GBE1: variants seen among roughly 807,000 people sequenced by gnomAD.
The protein encoded by GBE1 is 1,4-alpha-glucan-branching enzyme.
Under a neutral mutation model 88.8 loss-of-function variants are expected in GBE1, and 70 were observed. That is an observed-to-expected ratio of 0.79 (90% CI 0.65 to 0.96). GBE1 has a LOEUF of 0.96. Ranked by LOEUF, GBE1 falls within the 40% of genes least tolerant of loss-of-function variation. The pLI is 0.00. For missense variants in GBE1, 872 were observed against 871.0 expected (o/e 1.00, Z -0.01); for synonymous variants, 284 against 300.1 (o/e 0.95, Z 0.56).
At chr3:81,516,070 T>C (rs1355592459) in intron 14 of GBE1, among the ~76,000 whole-genome samples, 1 of 151,686 alleles carries the variant, frequency 6.6e-6, no homozygotes, top group Non-Finnish European at 1.5e-5. Flanking sequence ...GCTAGGATAT[T>C]GATAAACGTG....
intron 12 of GBE1, among the ~76,000 whole-genome samples, chr3:81,537,687 A>T (rs1703095698): frequency 6.6e-6 from 1 of 151,920 alleles, no homozygotes; most frequent in African/African-American, 2.4e-5. Flanking sequence ...TATCTTGTAA[A>T]CTTCAGGTGC....
At chr3:81,593,649 AGT>A (rs1398903658) in intron 8 of GBE1, among the ~76,000 whole-genome samples, 1 of 152,036 alleles carries the variant, frequency 6.6e-6, no homozygotes, top group African/African-American at 2.4e-5. Flanking sequence ...ACATCCTGAG[AGT>A]GTTACAATAA....
At chr3:81,588,087 C>T (rs1703823505) in intron 9 of GBE1, among the ~76,000 whole-genome samples, 1 of 142,806 alleles carries the variant, frequency 7.0e-6, no homozygotes, top group Non-Finnish European at 1.5e-5. Context: ...CTCTCTAAGA[C>T]TCAGGTCAAA....
At chr3:81,709,736 G>A (rs1705830209) in intron 1 of GBE1, among the ~76,000 whole-genome samples, 2 of 152,034 alleles carry the variant, frequency 1.3e-5, no homozygotes, top group South Asian at 4.1e-4. Flanking sequence ...TAAGTATCTT[G>A]ACTTCCCTCA....
At chr3:81,705,375 T>C (rs1705758845) in intron 2 of GBE1, 69 bp downstream of exon 2, 1 of 1,112,128 alleles carries the variant, frequency 9.0e-7, no homozygotes, top group African/African-American at 1.7e-5. Flanking sequence ...ATACATGAAA[T>C]ATAAGAAATA....
chr3:81,651,780 T>A (rs956655144), intron 3 of GBE1, among the ~76,000 whole-genome samples: 15 of 152,204 alleles, frequency 9.9e-5, no homozygotes, highest in Non-Finnish European at 1.9e-4. Context: ...CAAAGGCCCA[T>A]CATAAACTAA....
intron 7 of GBE1, among the ~76,000 whole-genome samples, chr3:81,602,414 G>A (rs1704045644): frequency 6.6e-6 from 1 of 152,186 alleles, no homozygotes; most frequent in Non-Finnish European, 1.5e-5. Flanking sequence ...CATAGACAGA[G>A]TAGGTTATAA....
intron 12 of GBE1, among the ~76,000 whole-genome samples, chr3:81,569,642 T>C (rs572286711): frequency 3.9e-5 from 6 of 152,204 alleles, no homozygotes; most frequent in Non-Finnish European, 7.4e-5. Context: ...CAGTTAAAAT[T>C]TGGAGGAAAA....
At chr3:81,577,810 G>C in intron 12 of GBE1, 115 bp downstream of exon 12, 1 of 777,602 alleles carries the variant, frequency 1.3e-6, no homozygotes, top group Non-Finnish European at 2.0e-6. Flanking sequence ...GAAATAAATA[G>C]TTGTAATTTT....
chr3:81,592,242 C>T (rs1703889182), intron 8 of GBE1, among the ~76,000 whole-genome samples: 1 of 152,084 alleles, frequency 6.6e-6, no homozygotes, highest in Non-Finnish European at 1.5e-5. Context: ...TTCCGCCTAG[C>T]TTATGCACCT....
chr3:81,662,567 T>C (rs1705046126), intron 3 of GBE1, among the ~76,000 whole-genome samples: 1 of 151,946 alleles, frequency 6.6e-6, no homozygotes, highest in South Asian at 2.1e-4. Context: ...GCCTCTGATC[T>C]TACCCTGTTG....
At position 81,670,946 on chromosome 3, in the gene GBE1, C is replaced by T. The variant is rs2107114808; in HGVS notation, c.321G>A (p.Trp107Ter). 1 of 1,515,342 alleles carries T rather than the reference C, an allele frequency of 6.6e-7. No homozygotes were observed. Among genetic ancestry groups the T allele is most frequent in the South Asian group, 1.3e-5 (1 of 79,032 alleles). The allele number at this position is 1,515,342 out of a possible 1,614,324, so 93.9% of individuals were successfully genotyped here. A position where few individuals can be genotyped will look rare whatever the true frequency, so the allele number is the denominator to read the frequency against. The change falls in exon 3 of 16, where the codon TGG (tryptophan) becomes TGA (stop). Residue 107 changes from tryptophan to a stop codon, truncating the protein, a stop_gained. Coordinates refer to ENST00000429644, the MANE Select transcript of GBE1 (RefSeq NM_000158.4). LOFTEE classifies it high-confidence loss of function. ...TTTTGTATGGGTACGAAAATGGATT[C>T]CAACCATCTAAAAAAATGAAGAAGA... ...GVFLTGDFNG[W>*]NPFSYPYKKL...
At chr3:81,549,540 G>T (rs1703247112) in intron 12 of GBE1, among the ~76,000 whole-genome samples, 1 of 151,356 alleles carries the variant, frequency 6.6e-6, no homozygotes, top group Non-Finnish European at 1.5e-5. Context: ...TCTGTACAGG[G>T]TTCTTGACCC....
At chr3:81,741,262 A>C (rs1706345508) in intron 1 of GBE1, among the ~76,000 whole-genome samples, 1 of 152,202 alleles carries the variant, frequency 6.6e-6, no homozygotes, top group Non-Finnish European at 1.5e-5. Context: ...AATGTATAAT[A>C]ATCAGTAAGT....
intron 1 of GBE1, among the ~76,000 whole-genome samples, chr3:81,739,682 A>G (rs748382487): frequency 1.3e-5 from 2 of 152,036 alleles, no homozygotes; most frequent in Non-Finnish European, 2.9e-5. Flanking sequence ...TTCTCTAGTT[A>G]CCTTTTTTTA....
At chr3:81,662,109 C>G (rs755896434) in intron 3 of GBE1, among the ~76,000 whole-genome samples, 103 of 152,112 alleles carry the variant, frequency 6.8e-4, no homozygotes, top group Non-Finnish European at 1.3e-3. Flanking sequence ...CTCGGCTCAC[C>G]GCAACCTCCG....
intron 12 of GBE1, among the ~76,000 whole-genome samples, chr3:81,570,404 T>A (rs1703558133): frequency 6.6e-6 from 1 of 152,192 alleles, no homozygotes; most frequent in Non-Finnish European, 1.5e-5. Context: ...ATGTTTCTCA[T>A]AAGTGTGAGC....
intron 12 of GBE1, among the ~76,000 whole-genome samples, chr3:81,565,441 A>G (rs1333204251): frequency 2.6e-5 from 4 of 152,186 alleles, no homozygotes; most frequent in Admixed American, 1.3e-4. Flanking sequence ...ACACTAAACA[A>G]CCACAGATGG....
intron 1 of GBE1, among the ~76,000 whole-genome samples, chr3:81,722,521 T>C (rs1355976595): frequency 6.6e-6 from 1 of 151,892 alleles, no homozygotes; most frequent in African/African-American, 2.4e-5. Context: ...CTTTAAAATT[T>C]ATTATTTAAA....
Sources: gnomAD v4.1 joint callset for allele counts (sites outside exome capture counted in the v4.1 genomes callset) on GRCh38, gnomAD v4.1.1 for gene constraint, MANE v1.5 for transcripts, NCBI Gene and HGNC (gene_info 2026-07-23, HGNC 2026-07-21) for gene names.